Variants in TSPYL2 observed in about 807,000 individuals in gnomAD.
The protein encoded by TSPYL2 is TSPY like 2.
Under a neutral mutation model 33.0 loss-of-function variants are expected in TSPYL2, and 9 were observed. That is an observed-to-expected ratio of 0.27 (90% CI 0.16 to 0.48). The LOEUF is 0.48. Ranked by LOEUF, TSPYL2 falls within the 20% of genes least tolerant of loss-of-function variation. The pLI is 0.99. For synonymous variants in TSPYL2, 330 were observed against 233.6 expected (o/e 1.41, Z -3.77); for missense variants, 636 against 586.2 (o/e 1.08, Z -0.88).
intron 6 of TSPYL2, chrX:53,087,498 A>G: frequency 2.9e-6 from 1 of 349,104 alleles, no homozygotes; most frequent in Non-Finnish European, 5.1e-6. Flanking sequence ...GAGGAGTACA[A>G]GGGGGAGAAA....
Position 53,085,622 on chromosome X carries a change from T to G in TSPYL2, c.1239-9T>G, listed in dbSNP as rs782685702. On this transcript the variant is annotated splice_polypyrimidine_tract_variant and intron_variant, in intron 5 of 6. Transcript: ENST00000375442. ...CCAACCCTATACTCAGCCACAGCCTTCCTTACAGTAAAACCAGGGGCAGAT... is the reference window on the plus strand; with the variant it reads ...CCAACCCTATACTCAGCCACAGCCTGCCTTACAGTAAAACCAGGGGCAGAT... The G allele has an allele frequency of 4.1e-6, 5 of 1,209,151 alleles. No individual in the cohort carries two copies. Among genetic ancestry groups the G allele is most frequent in the South Asian group, 1.8e-5 (1 of 56,781 alleles).
rs1556808535 is a variant in TSPYL2 at position 53,086,010 on chromosome X, G to A, written c.1618G>A (p.Gly540Ser). The A allele has an allele frequency of 5.1e-6, 6 of 1,177,820 alleles. No individual in the cohort carries two copies. Among genetic ancestry groups the A allele is most frequent in the Non-Finnish European group, 5.7e-6 (5 of 878,518 alleles). Residue 540 changes from glycine to serine, a missense_variant, in exon 6 of 7, where the codon GGC (glycine) becomes AGC (serine). Gly to Ser is a moderately conservative substitution (Grantham distance 56). This residue lies in a region of TSPYL2 where 401 missense variants were observed against 363.0 expected (regional missense o/e 1.10). Coordinates refer to ENST00000375442, the MANE Select transcript of TSPYL2 (RefSeq NM_022117.4). Reference sequence around the variant, plus strand: ...CCCTAACAACAACGAGAACACTTACGGCAACAACTTCTTCAAAGGTGGCTT... The same window carrying A: ...CCCTAACAACAACGAGAACACTTACAGCAACAACTTCTTCAAAGGTGGCTT... ...ENPNNNENTY[G>S]NNFFKGGFWG...
At position 53,087,974 on chromosome X, in the gene TSPYL2, C is replaced by G. The variant is rs1556809241; in HGVS notation, c.*35C>G. The G allele has an allele frequency of 7.6e-6, 9 of 1,185,764 alleles. No homozygotes were observed. The highest frequency in any genetic ancestry group is 1.0e-5 in the Non-Finnish European group (9 of 876,964). ...CCTTTTGGGGATCACCTCTCTGTAT[C>G]CCCCACCCACTATCCCATTTGCCCT... On this transcript the variant is annotated 3_prime_UTR_variant, in exon 7 of 7. Transcript: ENST00000375442.
Position 53,086,544 on chromosome X carries a change from A to G in TSPYL2, c.1918+234A>G, listed in dbSNP as rs969621043. On this transcript the variant is annotated intron_variant, in intron 6 of 6. Coordinates refer to ENST00000375442, the MANE Select transcript of TSPYL2 (RefSeq NM_022117.4). Reference sequence around the variant, plus strand: ...ATGGATAGATGGTTGTAACAGCAGAAGATGAAGAGTACACAGAGATAGGAG... The same window carrying G: ...ATGGATAGATGGTTGTAACAGCAGAGGATGAAGAGTACACAGAGATAGGAG... 85 of 428,652 alleles carry G rather than the reference A, an allele frequency of 2.0e-4. 1 individual carries two copies. Among genetic ancestry groups the G allele is most frequent in the South Asian group, 4.4e-4 (13 of 29,425 alleles). 35.3% of individuals were successfully genotyped at this position (428,652 alleles called of 1,213,427 possible). A position where few individuals can be genotyped will look rare whatever the true frequency, so the allele number is the denominator to read the frequency against.
chrX:53,084,454 C>T (rs1932708349), intron 1 of TSPYL2, 91 bp from the exon 2 acceptor site: 2 of 781,639 alleles, frequency 2.6e-6, no homozygotes, highest in Non-Finnish European at 3.7e-6. Context: ...AATCCTCATG[C>T]TCCAGCCTCT....
intron 1 of TSPYL2, 136 bp from the exon 2 acceptor site, chrX:53,084,409 C>T (rs1236022226): frequency 1.9e-6 from 1 of 525,877 alleles, no homozygotes; most frequent in Non-Finnish European, 3.1e-6. Context: ...TCCCATGACT[C>T]ACTTGCTTTA....
chrX:53,085,649 T>C lies in TSPYL2; in HGVS notation c.1257T>C (p.Cys419=), dbSNP rs1197188464. The C allele has an allele frequency of 3.3e-6, 4 of 1,209,623 alleles. No homozygotes were observed. The Admixed American group carries it at 8.7e-5, about 26-fold the overall frequency. ...EMKKRKTRGR[C]EVVIMEDAPD... The stretch of plus-strand genomic sequence containing the variant: ...CTTACAGTAAAACCAGGGGCAGATG[T>C]GAGGTGGTGATCATGGAAGACGCCC... The change falls in exon 6 of 7, where the codon TGT becomes TGC. Residue 419 remains cysteine (C), a synonymous_variant. Coordinates refer to ENST00000375442, the MANE Select transcript of TSPYL2 (RefSeq NM_022117.4).
chrX:53,084,460 CCT>C, intron 1 of TSPYL2, 83 bp from the exon 2 acceptor site: 1 of 812,886 alleles, frequency 1.2e-6, no homozygotes, highest in Non-Finnish European at 1.8e-6. Flanking sequence ...CATGCTCCAG[CCT>C]CTCTTACTGT....
chrX:53,087,930 A>G lies in TSPYL2; in HGVS notation c.2073A>G (p.Lys691=). 1 of 1,211,233 alleles carries G rather than the reference A, an allele frequency of 8.3e-7. No individual in the cohort carries two copies. Among genetic ancestry groups the G allele is most frequent in the Non-Finnish European group, 1.1e-6 (1 of 895,250 alleles). ...NGWANPGKRG[K]TG ...GGGCCAATCCGGGGAAGAGGGGGAA[A>G]ACCGGATAAGGGTTTTCCCCTTTTG... Residue 691 remains lysine, a synonymous_variant, in exon 7 of 7, where the codon AAA becomes AAG. Transcript: ENST00000375442.
In TSPYL2 at chrX:53,088,104, C is replaced by G. The variant is rs782314306; in HGVS notation, c.*165C>G. ...TTTATGGTTTAGTCATTGCAGAGTT[C>G]TTATTTTGGGGGGAGGGAAAGGGGG... is the stretch of plus-strand genomic sequence containing the variant. On this transcript the variant is annotated 3_prime_UTR_variant, in exon 7 of 7. Transcript: ENST00000375442. The G allele has an allele frequency of 2.0e-6, 1 of 490,836 alleles. No individual in the cohort carries two copies. Among genetic ancestry groups the G allele is most frequent in the Non-Finnish European group, 3.3e-6 (1 of 300,157 alleles). 40.5% of individuals were successfully genotyped at this position (490,836 alleles called of 1,213,427 possible).
chrX:53,082,972 G>A lies in TSPYL2; in HGVS notation c.474G>A (p.Arg158=), dbSNP rs201673878. The A allele has an allele frequency of 6.4e-5, 77 of 1,208,887 alleles. No individual in the cohort carries two copies. The highest frequency in any genetic ancestry group is 8.8e-5 in the African/African-American group (5 of 56,818). ...TCSAVGWAPQ[R]LVDPKSKEEA... is the part of the protein sequence containing the mutation. ...GCGCAGTGGGGTGGGCGCCCCAGAG[G>A]TTAGTTGACCCGAAGAGCAAGGAAG... is the stretch of plus-strand genomic sequence containing the variant. The change falls in exon 1 of 7, where the codon AGG becomes AGA. Residue 158 remains arginine, a synonymous_variant. Coordinates refer to ENST00000375442, the MANE Select transcript of TSPYL2 (RefSeq NM_022117.4).
chrX:53,084,234 A>G (rs1556807781), intron 1 of TSPYL2, among the ~76,000 whole-genome samples: 1 of 112,165 alleles, frequency 8.9e-6, no homozygotes, highest in Non-Finnish European at 1.9e-5. Context: ...GCCCTCAGCA[A>G]TCAGTTACAG....
rs1478487084 is a variant in TSPYL2 at position 53,084,642 on chromosome X, T to A, written c.885+20T>A. On this transcript the variant is annotated intron_variant, in intron 2 of 6. Coordinates refer to ENST00000375442, the MANE Select transcript of TSPYL2 (RefSeq NM_022117.4). ...CTGCAGGTCAGGCCAGAGAGACATT[T>A]TTTAGTAGGATCGGGCACGAATCTG... The A allele has an allele frequency of 1.7e-6, 2 of 1,205,672 alleles. No homozygotes were observed. The highest frequency in any genetic ancestry group is 2.2e-6 in the Non-Finnish European group (2 of 890,726).
At position 53,085,228 on chromosome X, in the gene TSPYL2, T is replaced by A; in HGVS notation, c.1145T>A (p.Ile382Asn). Reference sequence around the variant, plus strand: ...ATTCCTTCTCCCCTTTTTCAACAGATTATCAAGAATGATCTGTGGGTTAAC... The same window carrying A: ...ATTCCTTCTCCCCTTTTTCAACAGAATATCAAGAATGATCTGTGGGTTAAC... The part of the protein sequence containing the change: ...SLPEADRIAE[I>N]IKNDLWVNPL... Residue 382 changes from isoleucine (I) to asparagine (N), a missense_variant and splice_region_variant, in exon 5 of 7, where the codon ATT (isoleucine) becomes AAT (asparagine). Physicochemically the swap from Ile to Asn is moderately radical, Grantham distance 149. Around this residue, in one of 3 missense-constraint regions of TSPYL2, gnomAD observed 401 missense variants for 363.0 expected, o/e 1.10. Coordinates refer to ENST00000375442, the MANE Select transcript of TSPYL2 (RefSeq NM_022117.4). 1 of 1,200,729 alleles carries A rather than the reference T, an allele frequency of 8.3e-7. No homozygotes were observed. The highest frequency in any genetic ancestry group is 1.1e-6 in the Non-Finnish European group (1 of 890,395).
In TSPYL2 at chrX:53,082,405, C is replaced by T. The variant is rs1932632051; in HGVS notation, c.-94C>T. The T allele has an allele frequency of 6.6e-6, 6 of 906,543 alleles. No individual in the cohort carries two copies. Among genetic ancestry groups the T allele is most frequent in the Admixed American group, 3.8e-5 (1 of 26,563 alleles). 74.7% of individuals were successfully genotyped at this position (906,543 alleles called of 1,213,427 possible). ...GAGGAGAGCTGGTTGCGTGAGTCTCCTCAGCTCTGCTTACCGGTGCGACTA... is the reference window on the plus strand; with the variant it reads ...GAGGAGAGCTGGTTGCGTGAGTCTCTTCAGCTCTGCTTACCGGTGCGACTA... On this transcript the variant is annotated 5_prime_UTR_variant, in exon 1 of 7. Transcript: ENST00000375442.
At position 53,088,227 on chromosome X, in the gene TSPYL2, T is replaced by C. The variant is rs1932793846; in HGVS notation, c.*288T>C. On this transcript the variant is annotated 3_prime_UTR_variant, in exon 7 of 7. Coordinates refer to ENST00000375442, the MANE Select transcript of TSPYL2 (RefSeq NM_022117.4). The stretch of plus-strand genomic sequence containing the variant: ...TGGTCAGGGCCCCTCTACCCACTTC[T>C]CCCAGTCAGTTGTGGCCCCAGCCCC... The C allele has an allele frequency of 1.3e-5, 4 of 299,634 alleles. No homozygotes were observed. The highest frequency in any genetic ancestry group is 1.4e-4 in the South Asian group (2 of 14,245). 24.7% of individuals were successfully genotyped at this position (299,634 alleles called of 1,213,427 possible). A position where few individuals can be genotyped will look rare whatever the true frequency, so the allele number is the denominator to read the frequency against.
At position 53,083,334 on chromosome X, in the gene TSPYL2, C is replaced by T. The variant is rs782159070; in HGVS notation, c.807+29C>T. 7 of 1,163,585 alleles carry T rather than the reference C, an allele frequency of 6.0e-6. No homozygotes were observed. In the Admixed American group the frequency reaches 1.6e-4, roughly 26 times the overall value. ...TCCTTCTAATCGATACTCCGTAGGTCAGAAGCCCGTGACAGGAAAGGGGAA... is the reference window on the plus strand; with the variant it reads ...TCCTTCTAATCGATACTCCGTAGGTTAGAAGCCCGTGACAGGAAAGGGGAA... On this transcript the variant is annotated intron_variant, in intron 1 of 6. Coordinates refer to ENST00000375442, the MANE Select transcript of TSPYL2 (RefSeq NM_022117.4).
At chrX:53,084,003 C>T (rs141795631) in intron 1 of TSPYL2, among the ~76,000 whole-genome samples, 5 of 112,050 alleles carry the variant, frequency 4.5e-5, no homozygotes, top group African/African-American at 1.3e-4. Context: ...GATACAGACC[C>T]TTAGCCCTCA....
rs782761093 is a variant in TSPYL2 at position 53,086,271 on chromosome X, A to G, written c.1879A>G (p.Ile627Val). 8.3e-7 allele frequency: 1 copy of G among 1,211,406 alleles called. No homozygotes were observed. Among genetic ancestry groups the G allele is most frequent in the Non-Finnish European group, 1.1e-6 (1 of 895,401 alleles). The part of the protein sequence containing the change: ...QADYEDVIEI[I>V]SDESVEEEGI... ...TGACTACGAGGACGTGATAGAGATC[A>G]TCTCAGACGAATCAGTGGAAGAAGA... Residue 627 changes from isoleucine (I) to valine (V), a missense_variant, in exon 6 of 7, where the codon ATC becomes GTC. By Grantham distance (29) the Ile-to-Val change is conservative. This residue lies in a region of TSPYL2 where 401 missense variants were observed against 363.0 expected (regional missense o/e 1.10). Coordinates refer to ENST00000375442, the MANE Select transcript of TSPYL2 (RefSeq NM_022117.4).
Sources: gnomAD v4.1 joint callset for allele counts (sites outside exome capture counted in the v4.1 genomes callset) on GRCh38, gnomAD v4.1.1 for gene constraint, gnomAD v4.1.1 regional missense constraint, MANE v1.5 for transcripts, NCBI Gene and HGNC (gene_info 2026-07-23, HGNC 2026-07-21) for gene names.